Variants in SLC43A2 observed in about 807,000 individuals in gnomAD.
SLC43A2 encodes the protein large neutral amino acids transporter small subunit 4.
SLC43A2 carries 38 observed loss-of-function variants against 63.2 expected under a neutral mutation model. The observed-to-expected ratio is 0.60, with a 90% CI of 0.46 to 0.79. SLC43A2 has a LOEUF of 0.79. Ranked by LOEUF, SLC43A2 falls within the 30% of genes least tolerant of loss-of-function variation. The pLI, the probability that SLC43A2 is intolerant of heterozygous loss-of-function variation, is 0.00. For synonymous variants in SLC43A2, 322 were observed against 331.0 expected (o/e 0.97, Z 0.30); for missense variants, 644 against 756.2 (o/e 0.85, Z 1.74).
chr17:1,622,662 C>T (rs549044210), intron 2 of SLC43A2, among the ~76,000 whole-genome samples: 1 of 152,290 alleles, frequency 6.6e-6, no homozygotes, highest in South Asian at 2.1e-4. Flanking sequence ...GCCTGTAATC[C>T]CAGCACTTTG....
intron 5 of SLC43A2, among the ~76,000 whole-genome samples, chr17:1,596,933 G>A (rs576503842): frequency 2.0e-5 from 3 of 152,160 alleles, no homozygotes; most frequent in East Asian, 1.9e-4. Context: ...AAGTCACAGT[G>A]AGGCCAGGCG....
chr17:1,627,960 A>G (rs1908842936), intron 1 of SLC43A2, 40 bp from the exon 2 acceptor site: 1 of 1,325,862 alleles, frequency 7.5e-7, no homozygotes, highest in Admixed American at 4.2e-5. Context: ...GCCCTTGCCC[A>G]GCCCCTGCGG....
At chr17:1,591,735 G>GGGGGGGCA in intron 6 of SLC43A2, 36 bp from the exon 7 acceptor site, 2 of 652,928 alleles carry the variant, frequency 3.1e-6, no homozygotes, top group Non-Finnish European at 2.5e-6. Flanking sequence ...GGGGGGGGGA[G>GGGGGGGCA]GGGGCAGAGT....
chr17:1,588,541 A>C (rs1366145257), intron 9 of SLC43A2, among the ~76,000 whole-genome samples: 6 of 151,650 alleles, frequency 4.0e-5, no homozygotes, highest in South Asian at 2.1e-4. Flanking sequence ...AAAAAAAAAA[A>C]AACAAATTAG....
rs562660915 is a variant in SLC43A2 at position 1,627,084 on chromosome 17, G to A, written c.160+631C>T. Among the ~76,000 whole-genome samples the A allele has an allele frequency of 3.9e-5, 6 of 152,280 alleles. No individual in the cohort carries two copies. The East Asian group carries it at 1.2e-3, about 29-fold the overall frequency. On this transcript the variant is annotated intron_variant, in intron 2 of 13. Coordinates refer to ENST00000301335, the MANE Select transcript of SLC43A2 (RefSeq NM_152346.3). The stretch of plus-strand genomic sequence containing the variant: ...CAACCCTAGCATCATTTCCATAAAC[G>A]TTCCTTTCTTCTCTTCCCCTTCATC...
rs1278626629 is a variant in SLC43A2 at position 1,578,309 on chromosome 17, G to A, written c.1365C>T (p.Ile455=). The change falls in exon 12 of 14, where the codon ATC becomes ATT. Residue 455 remains isoleucine, a synonymous_variant. Coordinates refer to ENST00000301335, the MANE Select transcript of SLC43A2 (RefSeq NM_152346.3). The surrounding 1 kb of genome is among the most constrained non-coding windows in gnomAD (Gnocchi z 6.5). ...TGAATCCTCGCACGATTGTGTGCAGGATGAAGGAGAGGATCTGGGGGAGGA... is the reference window on the plus strand; with the variant it reads ...TGAATCCTCGCACGATTGTGTGCAGAATGAAGGAGAGGATCTGGGGGAGGA... ...PNLPLQILSF[I]LHTIVRGFIH... 1 of 1,613,826 alleles carries A rather than the reference G, an allele frequency of 6.2e-7. No homozygotes were observed. The highest frequency in any genetic ancestry group is 8.5e-7 in the Non-Finnish European group (1 of 1,179,984).
At chr17:1,599,878 A>G (rs527603541) in intron 5 of SLC43A2, among the ~76,000 whole-genome samples, 1 of 149,320 alleles carries the variant, frequency 6.7e-6, no homozygotes, top group Non-Finnish European at 1.5e-5. Flanking sequence ...CCCCGTCTCT[A>G]CTAAAAATAC....
In SLC43A2 at chr17:1,577,918, G is replaced by A. The variant is rs1377656415; in HGVS notation, c.1424+332C>T. 6.6e-6 allele frequency among the ~76,000 whole-genome samples: 1 copy of A among 152,178 alleles called. No individual in the cohort carries two copies. The highest frequency in any genetic ancestry group is 2.4e-5 in the African/African-American group (1 of 41,440). ...AGAACCTACCCATCCTTCCCAGTGA[G>A]CAGCCAGGGCCAGCCCCAGGACTCG... On this transcript the variant is annotated intron_variant, in intron 12 of 13. Coordinates refer to ENST00000301335, the MANE Select transcript of SLC43A2 (RefSeq NM_152346.3). The surrounding 1 kb of genome is among the most constrained non-coding windows in gnomAD (Gnocchi z 4.9).
intron 5 of SLC43A2, among the ~76,000 whole-genome samples, chr17:1,600,070 T>A (rs1905784284): frequency 7.0e-6 from 1 of 143,070 alleles, no homozygotes. Flanking sequence ...TTTATATTTG[T>A]CCTTTTTTTC....
intron 4 of SLC43A2, among the ~76,000 whole-genome samples, chr17:1,614,493 C>T (rs893462796): frequency 5.3e-5 from 8 of 152,318 alleles, no homozygotes; most frequent in African/African-American, 1.9e-4. Flanking sequence ...AATACAGGTT[C>T]CTGAAAATCA....
rs145370193 is a variant in SLC43A2, at chr17:1,605,864, G to A, written c.501+7331C>T. Among the ~76,000 whole-genome samples the A allele has an allele frequency of 8.0e-3, 1,218 of 152,230 alleles. 17 individuals are homozygous for A. The highest frequency in any genetic ancestry group is 0.028 in the African/African-American group (1,144 of 41,530). On this transcript the variant is annotated intron_variant, in intron 5 of 13. Transcript: ENST00000301335. The surrounding 1 kb of genome is among the most constrained non-coding windows in gnomAD (Gnocchi z 4.9). ...CTTTCTGCTTCAGTGCTGAAGGGAG[G>A]GGAAGGGTGTGCTCCCCTCCCCCGG...
intron 11 of SLC43A2, among the ~76,000 whole-genome samples, chr17:1,579,900 T>C (rs1039598935): frequency 1.3e-5 from 2 of 151,340 alleles, no homozygotes; most frequent in African/African-American, 4.9e-5. Flanking sequence ...ATTATTTTAC[T>C]TGGTTCACTA....
chr17:1,615,324 G>A (rs1907496140), intron 3 of SLC43A2, among the ~76,000 whole-genome samples: 1 of 151,796 alleles, frequency 6.6e-6, no homozygotes, highest in Non-Finnish European at 1.5e-5. Context: ...TGGCCAGGCT[G>A]GTCTCGAACT....
rs2076081915 is a variant in SLC43A2 at position 1,585,112 on chromosome 17, G to T, written c.1217+801C>A. On this transcript the variant is annotated intron_variant, in intron 10 of 13. Transcript: ENST00000301335. Reference sequence around the variant, plus strand: ...CCTGTTAATCCCAGTACTTTGGGAGGCTTTAAGATGGTGTAGCCACTGCCA... The same window carrying T: ...CCTGTTAATCCCAGTACTTTGGGAGTCTTTAAGATGGTGTAGCCACTGCCA... The T allele has an allele frequency of 4.2e-6, 4 of 959,050 alleles. No homozygotes were observed. The South Asian group carries it at 1.4e-4, about 35-fold the overall frequency. 59.4% of individuals were successfully genotyped at this position (959,050 alleles called of 1,614,324 possible). A position where few individuals can be genotyped will look rare whatever the true frequency, so the allele number is the denominator to read the frequency against.
At chr17:1,588,628 C>T (rs1487961344) in intron 9 of SLC43A2, among the ~76,000 whole-genome samples, 17 of 140,316 alleles carry the variant, frequency 1.2e-4, no homozygotes, top group Admixed American at 1.2e-3. Flanking sequence ...GCTCAGGAGT[C>T]GGAGGCCGTG....
intron 5 of SLC43A2, among the ~76,000 whole-genome samples, chr17:1,610,426 G>C (rs1213685790): frequency 1.4e-5 from 2 of 141,958 alleles, no homozygotes; most frequent in East Asian, 4.4e-4. Flanking sequence ...CCATGCCCTG[G>C]CTAATTAAAA....
intron 6 of SLC43A2, among the ~76,000 whole-genome samples, 192 bp downstream of exon 6, chr17:1,592,995 C>G (rs562279979): frequency 1.3e-5 from 2 of 152,186 alleles, no homozygotes; most frequent in Middle Eastern, 3.2e-3. Flanking sequence ...CAGCCACATG[C>G]GTGATTCCCG....
At position 1,627,910 on chromosome 17, in the gene SLC43A2, C is replaced by A. The variant is rs1209414722; in HGVS notation, c.-36G>T. On this transcript the variant is annotated 5_prime_UTR_variant, in exon 2 of 14. Transcript: ENST00000301335. ...GGCGCGGCTCCGGCTCCGGCTCCGG[C>A]TCTGCACCACCTGCGCACAGAACTC... 9 of 1,517,918 alleles carry A rather than the reference C, an allele frequency of 5.9e-6. No individual in the cohort carries two copies. Among genetic ancestry groups the A allele is most frequent in the Non-Finnish European group, 7.9e-6 (9 of 1,134,076 alleles). 94.0% of individuals were successfully genotyped at this position (1,517,918 alleles called of 1,614,324 possible).
chr17:1,583,099 C>A lies in SLC43A2; in HGVS notation c.1350+105G>T. On this transcript the variant is annotated intron_variant, in intron 11 of 13. Coordinates refer to ENST00000301335, the MANE Select transcript of SLC43A2 (RefSeq NM_152346.3). The surrounding 1 kb of genome is among the most constrained non-coding windows in gnomAD (Gnocchi z 5.5). ...GTCTCAAAAAAATAAAGAAAGTCAT[C>A]CGCTTTGTTGATGGCTTCCATGAAA... The A allele has an allele frequency of 7.8e-7, 1 of 1,275,714 alleles. No individual in the cohort carries two copies. The highest frequency in any genetic ancestry group is 1.1e-6 in the Non-Finnish European group (1 of 904,150). 79.0% of individuals were successfully genotyped at this position (1,275,714 alleles called of 1,614,324 possible).
Sources: allele counts gnomAD v4.1 joint callset (sites outside exome capture counted in the v4.1 genomes callset), GRCh38; gene constraint gnomAD v4.1.1; non-coding constraint Gnocchi (gnomAD v3.1); transcripts MANE v1.5; gene names NCBI Gene and HGNC (gene_info 2026-07-23, HGNC 2026-07-21).